Variants in MEF2C observed in about 807,000 individuals in gnomAD.
The protein encoded by MEF2C is myocyte enhancer factor 2C, also known as myocyte-specific enhancer factor 2C.
MEF2C carries 6 observed loss-of-function variants against 50.5 expected under a neutral mutation model. The observed-to-expected ratio is 0.12, with a 90% CI of 0.07 to 0.23. MEF2C has a LOEUF of 0.23. Ranked by LOEUF, MEF2C falls within the 10% of genes least tolerant of loss-of-function variation. The probability of loss-of-function intolerance (pLI) is 1.00; values close to 1 mark genes in which losing one functional copy is unlikely to be tolerated. For missense variants in MEF2C, 276 were observed against 605.0 expected, an observed-to-expected ratio of 0.46 and a Z score of 5.70; for synonymous variants, 183 against 228.0, an observed-to-expected ratio of 0.80 and a Z score of 1.78.
intron 3 of MEF2C, among the ~76,000 whole-genome samples, chr5:88,794,611 C>T (rs1009456602): frequency 6.6e-6 from 1 of 152,044 alleles, no homozygotes; most frequent in African/African-American, 2.4e-5. Flanking sequence ...CTCTGATGAT[C>T]GTTTCTTCTG....
chr5:88,734,582 T>TG (rs1391918621), intron 6 of MEF2C: 9 of 958,036 alleles, frequency 9.4e-6, no homozygotes, highest in African/African-American at 1.8e-5. Context: ...TTTTTTTTTT[T>TG]TTTTTTTTTT....
At chr5:88,860,266 G>T (rs996644502) in intron 1 of MEF2C, among the ~76,000 whole-genome samples, 2 of 151,630 alleles carry the variant, frequency 1.3e-5, no homozygotes, top group African/African-American at 4.8e-5. Context: ...TGGTAAGGGG[G>T]CAATCCTGCT....
chr5:88,869,284 T>TATAC (rs1828624659), intron 1 of MEF2C, among the ~76,000 whole-genome samples: 1 of 87,886 alleles, frequency 1.1e-5, no homozygotes, highest in Non-Finnish European at 2.3e-5. Context: ...TATACATATA[T>TATAC]ATATATATAT....
chr5:88,835,820 A>G (rs1814881405), intron 1 of MEF2C, among the ~76,000 whole-genome samples: 1 of 151,652 alleles, frequency 6.6e-6, no homozygotes, highest in Non-Finnish European at 1.5e-5. Context: ...TCTTAAAAAA[A>G]AAAAAAAAAA....
intron 1 of MEF2C, chr5:88,838,466 A>G: frequency 2.9e-6 from 2 of 680,518 alleles, no homozygotes; most frequent in South Asian, 1.3e-4. Flanking sequence ...TATTCTTCAC[A>G]ATTCCCGGAA....
intron 3 of MEF2C, among the ~76,000 whole-genome samples, chr5:88,776,811 A>C (rs1483303491): frequency 6.6e-6 from 1 of 152,152 alleles, no homozygotes; most frequent in Non-Finnish European, 1.5e-5. Flanking sequence ...ATCTAACATA[A>C]AGCTTTATGA....
At chr5:88,881,653 T>G (rs1443590038) in intron 1 of MEF2C, among the ~76,000 whole-genome samples, 1 of 151,928 alleles carries the variant, frequency 6.6e-6, no homozygotes, top group Non-Finnish European at 1.5e-5. Context: ...TTGGAGTTAT[T>G]ATACTCCACA....
chr5:88,723,028 G>A (rs1756895417), intron 10 of MEF2C, 103 bp from the exon 11 acceptor site: 1 of 1,037,182 alleles, frequency 9.6e-7, no homozygotes, highest in South Asian at 1.7e-5. Flanking sequence ...ATAGACACCA[G>A]AGCATGCCCA....
chr5:88,777,899 C>CT (rs57841792), intron 3 of MEF2C, among the ~76,000 whole-genome samples: 52,608 of 77,386 alleles, frequency 0.68, 20,708 homozygotes, highest in East Asian at 0.78. Context: ...TTTTTCTTTT[C>CT]TTTTTTTTTT....
rs1333930958 is a variant in MEF2C at position 88,846,502 on chromosome 5, ACT to A, written c.-142-22574_-142-22573del. 9.8e-5 allele frequency among the ~76,000 whole-genome samples: 15 copies of A among 152,328 alleles called. No homozygotes were observed. In the South Asian group the frequency reaches 2.3e-3, roughly 23 times the overall value. Reference sequence around the variant, plus strand: ...GAAAAAGAAAATCATTACAAAAATCACTCTGTAATGTCTTTGTTAGCATAAAA... The same window carrying A: ...GAAAAAGAAAATCATTACAAAAATCACTGTAATGTCTTTGTTAGCATAAAA... On this transcript the variant is annotated intron_variant, in intron 1 of 10. Coordinates refer to ENST00000504921, the MANE Select transcript of MEF2C (RefSeq NM_002397.5).
At chr5:88,877,853 T>C (rs1831546097) in intron 1 of MEF2C, 1 of 151,832 alleles carries the variant, frequency 6.6e-6, no homozygotes, top group Admixed American at 6.6e-5. Flanking sequence ...AGAGCTACTT[T>C]AAAAAAAACT....
intron 2 of MEF2C, among the ~76,000 whole-genome samples, chr5:88,807,197 T>C (rs1800833429): frequency 6.6e-6 from 1 of 152,204 alleles, no homozygotes; most frequent in South Asian, 2.1e-4. Flanking sequence ...AATTTGCTAG[T>C]CATGCGAAAT....
At chr5:88,833,034 G>T (rs1170315321) in intron 1 of MEF2C, among the ~76,000 whole-genome samples, 1 of 152,088 alleles carries the variant, frequency 6.6e-6, no homozygotes, top group Non-Finnish European at 1.5e-5. Flanking sequence ...ACCAACAGAT[G>T]TTAACTGCAA....
At chr5:88,826,955 G>C (rs1389548690) in intron 1 of MEF2C, 1 of 150,246 alleles carries the variant, frequency 6.7e-6, no homozygotes, top group Non-Finnish European at 1.5e-5. Context: ...ACACTCTATA[G>C]AATTACAGTC....
chr5:88,889,337 G>GCT (rs1255922985), intron 1 of MEF2C: 1 of 152,142 alleles, frequency 6.6e-6, no homozygotes, highest in African/African-American at 2.4e-5. Context: ...CTCCAACACT[G>GCT]CTCTCATCAC....
At position 88,822,149 on chromosome 5, in the gene MEF2C, C is replaced by T. The variant is rs1808683005; in HGVS notation, c.54+1586G>A. On this transcript the variant is annotated intron_variant, in intron 2 of 10. Coordinates refer to ENST00000504921, the MANE Select transcript of MEF2C (RefSeq NM_002397.5). Reference sequence around the variant, plus strand: ...GAATTCAACCTGCAAAAATTTTCTTCTAACTTTGCAAGCAAAAGAAGATAT... The same window carrying T: ...GAATTCAACCTGCAAAAATTTTCTTTTAACTTTGCAAGCAAAAGAAGATAT... Among the ~76,000 whole-genome samples, 6 of 152,022 alleles carry T rather than the reference C, an allele frequency of 3.9e-5. 1 individual carries two copies. The highest frequency in any genetic ancestry group is 1.4e-4 in the African/African-American group (6 of 41,532).
chr5:88,812,718 C>A (rs1001183942), intron 2 of MEF2C, among the ~76,000 whole-genome samples: 35 of 152,008 alleles, frequency 2.3e-4, no homozygotes, highest in African/African-American at 8.5e-4. Flanking sequence ...AGATGAATAC[C>A]GTAAACAAAG....
chr5:88,739,577 C>T (rs767569775), intron 6 of MEF2C: 34 of 984,644 alleles, frequency 3.5e-5, no homozygotes, highest in Non-Finnish European at 3.9e-5. Flanking sequence ...CATACAATCC[C>T]CTACTCTACT....
chr5:88,810,106 T>C (rs1287662297), intron 2 of MEF2C, among the ~76,000 whole-genome samples: 1 of 152,158 alleles, frequency 6.6e-6, no homozygotes, highest in African/African-American at 2.4e-5. Context: ...GATTATGGAA[T>C]GGAAATACTC....
Sources: gnomAD v4.1 joint callset for allele counts (sites outside exome capture counted in the v4.1 genomes callset) on GRCh38, gnomAD v4.1.1 for gene constraint, MANE v1.5 for transcripts, NCBI Gene and HGNC (gene_info 2026-07-23, HGNC 2026-07-21) for gene names.